Variants in RTTN observed in about 807,000 individuals in gnomAD.
RTTN encodes the protein rotatin.
RTTN carries 182 observed loss-of-function variants against 269.2 expected under a neutral mutation model. That is an observed-to-expected ratio of 0.68 (90% CI 0.60 to 0.76). The LOEUF (loss-of-function observed/expected upper bound fraction) is 0.76, where lower values mean the gene tolerates loss of function less well. RTTN is among the 30% of genes least tolerant of loss of function. The probability of loss-of-function intolerance (pLI) is 0.00; values close to 1 mark genes in which losing one functional copy is unlikely to be tolerated. For synonymous variants in RTTN, 1,006 were observed against 963.5 expected (o/e 1.04, Z -0.82); for missense variants, 2,545 against 2,608.6 (o/e 0.98, Z 0.53).
chr18:70,072,771 T>C (rs2058329752), intron 34 of RTTN, among the ~76,000 whole-genome samples: 2 of 152,292 alleles, frequency 1.3e-5, no homozygotes, highest in Admixed American at 6.5e-5. Context: ...TTTCATGCTG[T>C]CCTTCTGTGA....
chr18:70,119,586 T>G (rs764584407), intron 26 of RTTN, among the ~76,000 whole-genome samples: 1 of 152,148 alleles, frequency 6.6e-6, no homozygotes, highest in Non-Finnish European at 1.5e-5. Context: ...ATACAATTCA[T>G]GAAAAGACCG....
At chr18:70,046,366 G>A (rs1261716082) in intron 40 of RTTN, among the ~76,000 whole-genome samples, 2 of 152,136 alleles carry the variant, frequency 1.3e-5, no homozygotes, top group African/African-American at 4.8e-5. Flanking sequence ...TCTGAGTGAA[G>A]TCACTGAAAT....
chr18:70,070,680 A>C (rs1006069766), intron 34 of RTTN, among the ~76,000 whole-genome samples: 1 of 152,168 alleles, frequency 6.6e-6, no homozygotes, highest in Non-Finnish European at 1.5e-5. Context: ...CAGCTTTCTT[A>C]ACTAACTCCT....
At chr18:70,092,291 C>G in intron 29 of RTTN, 71 bp from the exon 30 acceptor site, 2 of 970,044 alleles carry the variant, frequency 2.1e-6, no homozygotes, top group Middle Eastern at 2.1e-4. Context: ...AAGGTTAAAA[C>G]AAGAATTTTT....
Position 70,004,279 on chromosome 18 carries a change from A to G in RTTN, c.6596-43T>C, listed in dbSNP as rs763976848. 5.1e-6 allele frequency: 7 copies of G among 1,379,808 alleles called. No individual in the cohort carries two copies. The South Asian group carries it at 8.1e-5, about 16-fold the overall frequency. The allele number at this position is 1,379,808 out of a possible 1,614,324, so 85.5% of individuals were successfully genotyped here. A position where few individuals can be genotyped will look rare whatever the true frequency, so the allele number is the denominator to read the frequency against. On this transcript the variant is annotated intron_variant, in intron 48 of 48. Coordinates refer to ENST00000640769, the MANE Select transcript of RTTN (RefSeq NM_173630.4). ...GAGTACAGAAATACTAGTTTATGAA[A>G]CTTGGTACTATACTTAGGAGGCACA...
chr18:70,186,709 A>G (rs1381652318), intron 10 of RTTN, among the ~76,000 whole-genome samples: 2 of 152,212 alleles, frequency 1.3e-5, no homozygotes, highest in African/African-American at 2.4e-5. Context: ...ATGAGATCAT[A>G]TCCTTTGCGG....
intron 44 of RTTN, among the ~76,000 whole-genome samples, chr18:70,023,871 T>A (rs554479692): frequency 6.6e-6 from 1 of 152,180 alleles, no homozygotes; most frequent in Admixed American, 6.5e-5. Flanking sequence ...TAACCTCCGC[T>A]TCCTGGGTTC....
At chr18:70,014,256 A>C (rs1471813334) in intron 46 of RTTN, among the ~76,000 whole-genome samples, 1 of 152,198 alleles carries the variant, frequency 6.6e-6, no homozygotes, top group Non-Finnish European at 1.5e-5. Flanking sequence ...GTTCTTTTCA[A>C]ATATTTCAAC....
intron 19 of RTTN, 31 bp downstream of exon 19, chr18:70,142,257 T>C (rs2060275146): frequency 2.2e-6 from 3 of 1,337,328 alleles, no homozygotes; most frequent in African/African-American, 1.4e-5. Context: ...TTATCAGCAG[T>C]ACAGCAATCA....
At chr18:70,087,110 T>C (rs1043292066) in intron 31 of RTTN, among the ~76,000 whole-genome samples, 2 of 151,896 alleles carry the variant, frequency 1.3e-5, no homozygotes, top group Non-Finnish European at 2.9e-5. Flanking sequence ...TCCCTTCTCT[T>C]ATACAGACTC....
At chr18:70,112,145 C>G (rs2059484576) in intron 27 of RTTN, among the ~76,000 whole-genome samples, 1 of 152,098 alleles carries the variant, frequency 6.6e-6, no homozygotes, top group Non-Finnish European at 1.5e-5. Context: ...TACAAGAGCT[C>G]TTGAAGGAAG....
At chr18:70,190,477 C>T in intron 9 of RTTN, 61 bp downstream of exon 9, 1 of 1,331,784 alleles carries the variant, frequency 7.5e-7, no homozygotes, top group Non-Finnish European at 1.1e-6. Context: ...AAAGGAAAAT[C>T]CTAACGAAAT....
intron 46 of RTTN, among the ~76,000 whole-genome samples, chr18:70,012,975 C>A (rs1198107268): frequency 2.0e-5 from 3 of 152,186 alleles, no homozygotes; most frequent in Non-Finnish European, 4.4e-5. Context: ...AAAAAAGCTG[C>A]TCCCTAAAGT....
At position 70,031,095 on chromosome 18, in the gene RTTN, T is replaced by C; in HGVS notation, c.5542-114A>G. 5 of 624,070 alleles carry C rather than the reference T, an allele frequency of 8.0e-6. No homozygotes were observed. In the South Asian group the frequency reaches 1.2e-4, roughly 14 times the overall value. 38.7% of individuals were successfully genotyped at this position (624,070 alleles called of 1,614,324 possible). ...ATATTGCTAGGTTTCAACTATCATGTGAAATTCACTGGATTTTGATAAATC... is the reference window on the plus strand; with the variant it reads ...ATATTGCTAGGTTTCAACTATCATGCGAAATTCACTGGATTTTGATAAATC... On this transcript the variant is annotated intron_variant, in intron 40 of 48. Coordinates refer to ENST00000640769, the MANE Select transcript of RTTN (RefSeq NM_173630.4).
Position 70,121,561 on chromosome 18 carries a change from T to C in RTTN, c.3523A>G (p.Arg1175Gly), listed in dbSNP as rs1383302363. The stretch of plus-strand genomic sequence containing the variant: ...AATTCCTTAACACCACTTACATGTC[T>C]AAGAAGTAATTCGAGAATCCAGTTT... ...LLNWILELLL[R>G]HSANPLLDLL... is the part of the protein sequence containing the mutation. Residue 1175 changes from arginine (R) to glycine (G), a missense_variant, in exon 26 of 49, where the codon AGA (arginine) becomes GGA (glycine). Coordinates refer to ENST00000640769, the MANE Select transcript of RTTN (RefSeq NM_173630.4). The C allele has an allele frequency of 3.8e-6, 6 of 1,564,610 alleles. No homozygotes were observed. Among genetic ancestry groups the C allele is most frequent in the Non-Finnish European group, 5.1e-6 (6 of 1,165,530 alleles).
At chr18:70,117,001 A>G (rs2059617805) in intron 26 of RTTN, among the ~76,000 whole-genome samples, 1 of 45,526 alleles carries the variant, frequency 2.2e-5, no homozygotes, top group Non-Finnish European at 9.2e-5. Flanking sequence ...AAAACAGATT[A>G]GAGGTGCAAT....
chr18:70,185,639 T>TA (rs1568534119), intron 10 of RTTN, among the ~76,000 whole-genome samples: 2 of 152,108 alleles, frequency 1.3e-5, no homozygotes, highest in African/African-American at 4.8e-5. Flanking sequence ...TTAGGCAATT[T>TA]AAAAAAATTA....
Position 70,134,464 on chromosome 18 carries a change from A to G in RTTN, c.2954+9T>C. The G allele has an allele frequency of 6.3e-7, 1 of 1,592,476 alleles. No homozygotes were observed. Among genetic ancestry groups the G allele is most frequent in the Non-Finnish European group, 8.6e-7 (1 of 1,163,892 alleles). ...TCCTTCAAGAAAATCAGAGAAATAAATCCTTTACCTTCTAAAAACGGAAAC... is the reference window on the plus strand; with the variant it reads ...TCCTTCAAGAAAATCAGAGAAATAAGTCCTTTACCTTCTAAAAACGGAAAC... On this transcript the variant is annotated intron_variant, in intron 23 of 48. Transcript: ENST00000640769.
At chr18:70,091,919 A>G (rs113422672) in intron 30 of RTTN, among the ~76,000 whole-genome samples, 191 bp downstream of exon 30, 10 of 151,780 alleles carry the variant, frequency 6.6e-5, no homozygotes, top group African/African-American at 1.7e-4. Context: ...CACCCAGCTA[A>G]TTTTTTTATA....
Sources: allele counts gnomAD v4.1 joint callset (sites outside exome capture counted in the v4.1 genomes callset), GRCh38; gene constraint gnomAD v4.1.1; transcripts MANE v1.5; gene names NCBI Gene and HGNC (gene_info 2026-07-23, HGNC 2026-07-21).